SLC35F3: variants seen among roughly 807,000 people sequenced by gnomAD.
SLC35F3 encodes putative thiamine transporter SLC35F3.
In SLC35F3, 25 loss-of-function variants were observed where a neutral mutation model predicts 49.9. That is an observed-to-expected ratio of 0.50 (90% CI 0.37 to 0.70). The LOEUF (loss-of-function observed/expected upper bound fraction) is 0.70. Ranked by LOEUF, SLC35F3 falls within the 30% of genes least tolerant of loss-of-function variation. SLC35F3 has a pLI of 0.00. For missense variants in SLC35F3, 525 were observed against 639.8 expected, an observed-to-expected ratio of 0.82 and a Z score of 1.94; for synonymous variants, 275 against 265.4, an observed-to-expected ratio of 1.04 and a Z score of -0.35.
At chr1:234,194,490 T>C (rs1053150874) in intron 2 of SLC35F3, among the ~76,000 whole-genome samples, 6 of 152,114 alleles carry the variant, frequency 3.9e-5, no homozygotes, top group African/African-American at 1.4e-4. Flanking sequence ...CAAATTGGGT[T>C]CAGCGTTTAC....
At chr1:234,068,503 G>T (rs568150194) in intron 2 of SLC35F3, among the ~76,000 whole-genome samples, 3 of 151,874 alleles carry the variant, frequency 2.0e-5, no homozygotes, top group African/African-American at 7.3e-5. Flanking sequence ...GACTACAGGC[G>T]CGTGCCACCA....
chr1:234,036,858 C>T (rs1346084013), intron 2 of SLC35F3, among the ~76,000 whole-genome samples: 1 of 152,118 alleles, frequency 6.6e-6, no homozygotes. Flanking sequence ...TCAGTTTTCC[C>T]CACTGCTGGG....
chr1:234,175,666 A>G (rs1423789782), intron 2 of SLC35F3, among the ~76,000 whole-genome samples: 5 of 150,820 alleles, frequency 3.3e-5, no homozygotes, highest in Non-Finnish European at 7.4e-5. Flanking sequence ...CTGTCTCAAA[A>G]AAAAAAAAAA....
intron 3 of SLC35F3, among the ~76,000 whole-genome samples, chr1:234,284,405 A>G (rs1404707509): frequency 6.6e-6 from 1 of 151,860 alleles, no homozygotes; most frequent in Non-Finnish European, 1.5e-5. Flanking sequence ...CCCTCCACCT[A>G]CTCCTGCTCA....
intron 2 of SLC35F3, among the ~76,000 whole-genome samples, chr1:233,958,905 T>C (rs1452178939): frequency 1.3e-5 from 2 of 152,224 alleles, no homozygotes; most frequent in African/African-American, 4.8e-5. Context: ...GTTACCCTTT[T>C]TTCCATGATA....
chr1:234,214,489 C>T lies in SLC35F3; in HGVS notation c.284-16928C>T. On this transcript the variant is annotated intron_variant, in intron 2 of 7. Coordinates refer to ENST00000366618, the MANE Select transcript of SLC35F3 (RefSeq NM_173508.4). This position sits in a 1 kb window ranked among gnomAD's most constrained non-coding sequence, Gnocchi z 8.0. Reference sequence around the variant, plus strand: ...TCGGCGGCAGCGCTCCTGCAGGCGGCCGGCTCATCATGAAGAAGCACTCGG... The same window carrying T: ...TCGGCGGCAGCGCTCCTGCAGGCGGTCGGCTCATCATGAAGAAGCACTCGG... 6.6e-7 allele frequency: 1 copy of T among 1,526,442 alleles called. No homozygotes were observed. Among genetic ancestry groups the T allele is most frequent in the East Asian group, 2.7e-5 (1 of 37,142 alleles). 94.6% of individuals were successfully genotyped at this position (1,526,442 alleles called of 1,614,324 possible). A position where few individuals can be genotyped will look rare whatever the true frequency, so the allele number is the denominator to read the frequency against.
chr1:234,064,119 G>T (rs151145604), intron 2 of SLC35F3, among the ~76,000 whole-genome samples: 8 of 152,148 alleles, frequency 5.3e-5, no homozygotes, highest in Non-Finnish European at 8.8e-5. Context: ...TGGTGGGGGG[G>T]ACTGTTTCCT....
At chr1:233,973,759 GCTTAAC>G (rs1278580594) in intron 2 of SLC35F3, among the ~76,000 whole-genome samples, 1 of 152,202 alleles carries the variant, frequency 6.6e-6, no homozygotes, top group African/African-American at 2.4e-5. Context: ...AGATAGAGCA[GCTTAAC>G]CTTAATCTTA....
intron 2 of SLC35F3, among the ~76,000 whole-genome samples, chr1:234,051,901 G>A (rs1193435138): frequency 6.6e-6 from 1 of 152,172 alleles, no homozygotes; most frequent in African/African-American, 2.4e-5. Context: ...AGATAATCAT[G>A]TGGTTTTTGT....
chr1:234,050,323 C>T (rs1396462494), intron 2 of SLC35F3, among the ~76,000 whole-genome samples: 2 of 152,286 alleles, frequency 1.3e-5, no homozygotes, highest in South Asian at 2.1e-4. Context: ...TTTCAATGAT[C>T]GCCATTCTAA....
intron 2 of SLC35F3, among the ~76,000 whole-genome samples, chr1:234,119,025 G>A (rs1410433632): frequency 1.3e-5 from 2 of 152,004 alleles, no homozygotes; most frequent in Admixed American, 6.6e-5. Context: ...CAAGAGAGCT[G>A]GCAGGAACCC....
intron 2 of SLC35F3, among the ~76,000 whole-genome samples, chr1:234,126,926 A>G (rs1665657071): frequency 6.6e-6 from 1 of 152,086 alleles, no homozygotes; most frequent in Non-Finnish European, 1.5e-5. Context: ...CAAACTCTTG[A>G]CCTCAAGCAA....
intron 2 of SLC35F3, among the ~76,000 whole-genome samples, chr1:234,196,219 A>G (rs1177144569): frequency 6.6e-6 from 1 of 152,200 alleles, no homozygotes; most frequent in Non-Finnish European, 1.5e-5. Context: ...CCATGGCAAC[A>G]ACCTCATGAC....
At chr1:233,956,106 T>A (rs1385194540) in intron 2 of SLC35F3, among the ~76,000 whole-genome samples, 2 of 152,028 alleles carry the variant, frequency 1.3e-5, no homozygotes, top group African/African-American at 2.4e-5. Flanking sequence ...CAGGCTAGTC[T>A]CAAACTCCTG....
At chr1:234,199,487 A>T (rs1666870079) in intron 2 of SLC35F3, among the ~76,000 whole-genome samples, 3 of 152,222 alleles carry the variant, frequency 2.0e-5, no homozygotes, top group Admixed American at 2.0e-4. Flanking sequence ...TATACAAAAA[A>T]ATCAACTCAA....
At chr1:234,161,245 C>T (rs1666223000) in intron 2 of SLC35F3, among the ~76,000 whole-genome samples, 1 of 152,208 alleles carries the variant, frequency 6.6e-6, no homozygotes, top group African/African-American at 2.4e-5. Flanking sequence ...CCGAGGTAGG[C>T]AGTATTATGA....
chr1:234,235,767 T>C (rs1343286830), intron 3 of SLC35F3, among the ~76,000 whole-genome samples: 1 of 152,230 alleles, frequency 6.6e-6, no homozygotes, highest in Non-Finnish European at 1.5e-5. Context: ...TCAGATATTC[T>C]GAGCAACAGT....
chr1:233,913,639 G>A lies in SLC35F3; in HGVS notation c.283+7881G>A, dbSNP rs182881162. On this transcript the variant is annotated intron_variant, in intron 2 of 7. Transcript: ENST00000366618. ...GTACTTATTAAAGGCCTAAGTGGCC[G>A]TTTCCTCAGGCACATACACAAATGG... is the stretch of plus-strand genomic sequence containing the variant. 8.5e-5 allele frequency among the ~76,000 whole-genome samples: 13 copies of A among 152,296 alleles called. No individual in the cohort carries two copies. The East Asian group carries it at 9.6e-4, about 11-fold the overall frequency.
At chr1:234,084,059 GA>G (rs1664923727) in intron 2 of SLC35F3, among the ~76,000 whole-genome samples, 1 of 151,970 alleles carries the variant, frequency 6.6e-6, no homozygotes, top group African/African-American at 2.4e-5. Flanking sequence ...GGCTGGTCTT[GA>G]ACTCCCAACC....
Sources: allele counts gnomAD v4.1 joint callset (sites outside exome capture counted in the v4.1 genomes callset), GRCh38; gene constraint gnomAD v4.1.1; non-coding constraint Gnocchi (gnomAD v3.1); transcripts MANE v1.5; gene names NCBI Gene and HGNC (gene_info 2026-07-23, HGNC 2026-07-21).